The following ZFHX3 variants were observed in gnomAD, a reference collection of about 807,000 sequenced individuals.
ZFHX3 encodes zinc finger homeobox protein 3.
Under a neutral mutation model 279.1 loss-of-function variants are expected in ZFHX3, and 42 were observed. The ratio of observed to expected loss-of-function variants is 0.15; its 90% confidence interval spans 0.12 to 0.19. The LOEUF (loss-of-function observed/expected upper bound fraction) is 0.19. ZFHX3 is among the 10% of genes least tolerant of loss of function. The pLI is 1.00. For missense variants in ZFHX3, 4,981 were observed against 4,754.0 expected, an observed-to-expected ratio of 1.05 and a Z score of -1.40; for synonymous variants, 2,293 against 1,957.8, an observed-to-expected ratio of 1.17 and a Z score of -4.52.
At chr16:72,934,580 T>C (rs1960011597) in intron 3 of ZFHX3, among the ~76,000 whole-genome samples, 1 of 152,174 alleles carries the variant, frequency 6.6e-6, no homozygotes, top group Non-Finnish European at 1.5e-5. Flanking sequence ...TCTACCCTCT[T>C]TAAATCTTGC....
intron 5 of ZFHX3, among the ~76,000 whole-genome samples, chr16:72,826,583 C>G (rs1482754567): frequency 6.6e-6 from 1 of 152,140 alleles, no homozygotes; most frequent in Non-Finnish European, 1.5e-5. Context: ...AAGATCAAAT[C>G]GGCCCAAGTA....
intron 3 of ZFHX3, among the ~76,000 whole-genome samples, chr16:73,447,734 T>C (rs2143551363): frequency 6.6e-6 from 1 of 152,252 alleles, no homozygotes; most frequent in African/African-American, 2.4e-5. Context: ...AGGAAGTTGG[T>C]CAAGAAGAAT....
Position 73,784,786 on chromosome 16 carries a change from T to TAAAAAAA in ZFHX3, c.-1607-104553_-1607-104547dup, listed in dbSNP as rs66537411. 2.8e-3 allele frequency among the ~76,000 whole-genome samples: 373 copies of TAAAAAAA among 133,798 alleles called. 2 individuals carry two copies. Among genetic ancestry groups the TAAAAAAA allele is most frequent in the African/African-American group, 0.01 (353 of 33,926 alleles). 87.8% of individuals were successfully genotyped at this position (133,798 alleles called of 152,430 possible). On this transcript the variant is annotated intron_variant, in intron 1 of 17. Transcript: ENST00000641206. ...TTTTAAAAAACTATTTTTAACAAAATAAAAAAAAAAATATATATATATATA... is the reference window on the plus strand; with the variant it reads ...TTTTAAAAAACTATTTTTAACAAAATAAAAAAAAAAAAAAAAAATATATATATATATA...
intron 2 of ZFHX3, among the ~76,000 whole-genome samples, chr16:73,553,130 C>G (rs2020225295): frequency 6.6e-6 from 1 of 151,828 alleles, no homozygotes; most frequent in African/African-American, 2.4e-5. Context: ...GGACATTTTA[C>G]TCCAATAAAC....
At chr16:73,785,618 A>C (rs372962559) in intron 1 of ZFHX3, among the ~76,000 whole-genome samples, 2 of 152,168 alleles carry the variant, frequency 1.3e-5, no homozygotes, top group South Asian at 2.1e-4. Flanking sequence ...TATCGGTATA[A>C]AGGTGGGGTG....
At chr16:73,386,170 TTC>T (rs1369070709) in intron 3 of ZFHX3, among the ~76,000 whole-genome samples, 14 of 151,434 alleles carry the variant, frequency 9.2e-5, no homozygotes, top group African/African-American at 3.4e-4. Context: ...CTCGCTCTCT[TTC>T]TCTCTCTGTT....
At chr16:72,863,347 A>G (rs904283152) in intron 4 of ZFHX3, among the ~76,000 whole-genome samples, 2 of 149,972 alleles carry the variant, frequency 1.3e-5, no homozygotes, top group African/African-American at 4.9e-5. Context: ...TACTAAAAAA[A>G]AAAAAAAAAA....
intron 1 of ZFHX3, among the ~76,000 whole-genome samples, chr16:73,000,594 C>A (rs978594715): frequency 2.0e-5 from 3 of 152,136 alleles, no homozygotes. Flanking sequence ...CTGTCTCGAC[C>A]CGTGGGCTCC....
At chr16:73,389,567 T>C (rs1474276596) in intron 3 of ZFHX3, among the ~76,000 whole-genome samples, 1 of 152,230 alleles carries the variant, frequency 6.6e-6, no homozygotes, top group East Asian at 1.9e-4. Context: ...TCTTCTAGGA[T>C]ACCTGTGGAC....
chr16:72,846,899 G>A (rs2037495647), intron 4 of ZFHX3, among the ~76,000 whole-genome samples: 3 of 152,202 alleles, frequency 2.0e-5, no homozygotes, highest in Admixed American at 2.0e-4. Context: ...CATGGGCGGT[G>A]CTGCAGCACT....
chr16:73,776,877 AC>A (rs1959267059), intron 1 of ZFHX3, among the ~76,000 whole-genome samples: 1 of 152,126 alleles, frequency 6.6e-6, no homozygotes, highest in Non-Finnish European at 1.5e-5. Context: ...AGCAATCAGT[AC>A]GGCCTGCTTG....
intron 5 of ZFHX3, among the ~76,000 whole-genome samples, chr16:73,173,008 G>GTTTTTTTT (rs869289153): frequency 2.0e-5 from 1 of 49,948 alleles, no homozygotes; most frequent in East Asian, 7.1e-4. Flanking sequence ...TTTTTTTTTT[G>GTTTTTTTT]TTTTTTTTTT....
chr16:73,109,060 C>A (rs1053366695), intron 7 of ZFHX3, among the ~76,000 whole-genome samples: 2 of 152,214 alleles, frequency 1.3e-5, no homozygotes, highest in African/African-American at 4.8e-5. Flanking sequence ...CAGAGGGGAC[C>A]CTCCACAGCC....
At chr16:73,120,357 C>T (rs917937937) in intron 7 of ZFHX3, among the ~76,000 whole-genome samples, 21 of 151,572 alleles carry the variant, frequency 1.4e-4, no homozygotes, top group Non-Finnish European at 2.4e-4. Context: ...CCTCAAACTC[C>T]GAGGCTCAAA....
In ZFHX3 at chr16:72,983,689, A is replaced by G. The variant is rs1411216031; in HGVS notation, c.-49-23495T>C. ...GCCCCTGCACTCCAGCCTGGGTGACAGATCAAGATCTTGTCTCAGAAAAAA... is the reference window on the plus strand; with the variant it reads ...GCCCCTGCACTCCAGCCTGGGTGACGGATCAAGATCTTGTCTCAGAAAAAA... On this transcript the variant is annotated intron_variant, in intron 1 of 9. Transcript: ENST00000268489. Among the ~76,000 whole-genome samples, 4 of 151,916 alleles carry G rather than the reference A, an allele frequency of 2.6e-5. No individual in the cohort carries two copies. The East Asian group carries it at 7.7e-4, about 29-fold the overall frequency.
rs1263578826 is a variant in ZFHX3, at chr16:72,785,715, G to GAA, written c.*1447_*1448dup. The GAA allele has an allele frequency of 1.4e-5, 2 of 146,776 alleles. No individual in the cohort carries two copies. Among genetic ancestry groups the GAA allele is most frequent in the African/African-American group, 2.5e-5 (1 of 40,024 alleles). The allele number at this position is 146,776 out of a possible 1,614,324, so 9.1% of individuals were successfully genotyped here. ...CTAACCAAAAACTTTTTTTAGAAAA[G>GAA]AAAAGTACACAGCCAATTACACAAA... On this transcript the variant is annotated 3_prime_UTR_variant, in exon 10 of 10. Transcript: ENST00000268489.
At chr16:73,092,572 G>A in intron 8 of ZFHX3, 1 of 165,206 alleles carries the variant, frequency 6.1e-6, no homozygotes, top group Admixed American at 5.8e-5. Context: ...AAGGTTTGCT[G>A]GGCTGGCTAT....
Position 72,796,914 on chromosome 16 carries a change from G to C in ZFHX3, c.5768C>G (p.Pro1923Arg), listed in dbSNP as rs2143441481. Residue 1923 changes from proline to arginine, a missense_variant, in exon 9 of 10, where the codon CCA becomes CGA. Transcript: ENST00000268489. ...LKAKEKKELA[P>R]GGGSEPSMLP... ...CATGGAAGGCTCAGAACCACCCCCT[G>C]GTGCCAACTCTTTCTTCTCTTTGGC... 1 of 1,613,876 alleles carries C rather than the reference G, an allele frequency of 6.2e-7. No individual in the cohort carries two copies. The highest frequency in any genetic ancestry group is 8.5e-7 in the Non-Finnish European group (1 of 1,180,000).
chr16:72,953,682 G>A (rs1961107786), intron 2 of ZFHX3, among the ~76,000 whole-genome samples: 1 of 152,094 alleles, frequency 6.6e-6, no homozygotes, highest in African/African-American at 2.4e-5. Context: ...CAAGGCTCAA[G>A]TGAACCACCT....
Sources: gnomAD v4.1 joint callset for allele counts (sites outside exome capture counted in the v4.1 genomes callset) on GRCh38, gnomAD v4.1.1 for gene constraint, MANE v1.5 for transcripts, NCBI Gene and HGNC (gene_info 2026-07-23, HGNC 2026-07-21) for gene names.